DOCK10: variants seen among roughly 807,000 people sequenced by gnomAD.
DOCK10 encodes dedicator of cytokinesis 10.
Under a neutral mutation model 280.1 loss-of-function variants are expected in DOCK10, and 145 were observed. The ratio of observed to expected loss-of-function variants is 0.52; its 90% confidence interval spans 0.45 to 0.59. The LOEUF (loss-of-function observed/expected upper bound fraction) is 0.59. Ranked by LOEUF, DOCK10 falls within the 20% of genes least tolerant of loss-of-function variation. The probability of loss-of-function intolerance (pLI) is 0.00; values close to 1 mark genes in which losing one functional copy is unlikely to be tolerated. For synonymous variants in DOCK10, 915 were observed against 942.2 expected (o/e 0.97, Z 0.53); for missense variants, 2,368 against 2,651.7 (o/e 0.89, Z 2.35).
chr2:224,792,635 T>C (rs944600136), intron 47 of DOCK10, among the ~76,000 whole-genome samples: 1 of 152,192 alleles, frequency 6.6e-6, no homozygotes, highest in Admixed American at 6.5e-5. Flanking sequence ...TTAAAATAGA[T>C]TCCTCTTGCA....
intron 1 of DOCK10, among the ~76,000 whole-genome samples, chr2:224,978,444 A>G (rs1575142655): frequency 6.6e-6 from 1 of 152,144 alleles, no homozygotes; most frequent in Non-Finnish European, 1.5e-5. Flanking sequence ...GAAAAAAAAA[A>G]GTAGGCTTAC....
At chr2:224,936,737 G>T (rs1338527599) in intron 1 of DOCK10, among the ~76,000 whole-genome samples, 1 of 152,042 alleles carries the variant, frequency 6.6e-6, no homozygotes, top group Non-Finnish European at 1.5e-5. Flanking sequence ...TATCAGTTAT[G>T]ATATTTAGGA....
chr2:224,976,352 G>A (rs983440363), intron 1 of DOCK10, among the ~76,000 whole-genome samples: 6 of 152,124 alleles, frequency 3.9e-5, no homozygotes, highest in African/African-American at 1.4e-4. Context: ...GTATACCTGT[G>A]TAACAAACCT....
chr2:224,870,584 C>G (rs1363964207), intron 11 of DOCK10, among the ~76,000 whole-genome samples: 3 of 152,040 alleles, frequency 2.0e-5, no homozygotes, highest in Admixed American at 6.6e-5. Flanking sequence ...CCATAGCTAC[C>G]CATTTGCTCT....
chr2:224,887,812 G>T lies in DOCK10; in HGVS notation c.417-1281C>A, dbSNP rs540183925. 3.3e-5 allele frequency among the ~76,000 whole-genome samples: 5 copies of T among 152,244 alleles called. 1 individual carries two copies. In the South Asian group the frequency reaches 1.0e-3, roughly 32 times the overall value. The stretch of plus-strand genomic sequence containing the variant: ...TGTAATAAGAGCAGTAAAATCTACT[G>T]ATTTAAGCAAAATCACTAATGCAAT... On this transcript the variant is annotated intron_variant, in intron 4 of 55. Transcript: ENST00000258390.
Position 224,862,688 on chromosome 2 carries a change from C to T in DOCK10, c.1661G>A (p.Arg554His), listed in dbSNP as rs748898142. 68 of 1,612,670 alleles carry T rather than the reference C, an allele frequency of 4.2e-5. No homozygotes were observed. Among genetic ancestry groups the T allele is most frequent in the Admixed American group, 8.3e-5 (5 of 59,918 alleles). Residue 554 changes from arginine to histidine, a missense_variant, in exon 14 of 56, where the codon CGT (arginine) becomes CAT (histidine). Physicochemically the swap from Arg to His is conservative, Grantham distance 29. Coordinates refer to ENST00000258390, the MANE Select transcript of DOCK10 (RefSeq NM_014689.3). The stretch of plus-strand genomic sequence containing the variant: ...CCTTACTGCCCAAGCAAAAGGCATA[C>T]GGTATTTTCCCAATTTGCTGCAGAA... ...RQFCSKLGKY[R>H]MPFAWAVRSV...
At chr2:225,026,707 T>C (rs1036887131) in intron 1 of DOCK10, among the ~76,000 whole-genome samples, 10 of 152,046 alleles carry the variant, frequency 6.6e-5, no homozygotes, top group Non-Finnish European at 1.3e-4. Flanking sequence ...GACAGAGATA[T>C]CAATGGGCAG....
rs915319786 is a variant in DOCK10 at position 224,943,845 on chromosome 2, C to A, written c.124-12177G>T. Among the ~76,000 whole-genome samples, 7 of 150,506 alleles carry A rather than the reference C, an allele frequency of 4.7e-5. No individual in the cohort carries two copies. In the South Asian group the frequency reaches 6.3e-4, roughly 13 times the overall value. On this transcript the variant is annotated intron_variant, in intron 1 of 55. Transcript: ENST00000258390. ...GTGGCACGATCTCGGCTCACTGCAA[C>A]CTCTGCTTCCTGGGTTCAAGTGATT...
chr2:224,987,742 C>T (rs140975332), intron 1 of DOCK10, among the ~76,000 whole-genome samples: 1 of 152,198 alleles, frequency 6.6e-6, no homozygotes, highest in African/African-American at 2.4e-5. Flanking sequence ...ATTCTAGCTC[C>T]CCAAACTAAG....
In DOCK10 at chr2:224,805,617, T is replaced by C; in HGVS notation, c.3815-88A>G. 1 of 1,545,428 alleles carries C rather than the reference T, an allele frequency of 6.5e-7. No homozygotes were observed. The highest frequency in any genetic ancestry group is 8.8e-7 in the Non-Finnish European group (1 of 1,133,880). The stretch of plus-strand genomic sequence containing the variant: ...GTTCACATGATGAACCAAAAAGATG[T>C]TGATACTGAGGTAGCAGCAGTGTTG... On this transcript the variant is annotated intron_variant, in intron 34 of 55. Transcript: ENST00000258390. This position sits in a 1 kb window ranked among gnomAD's most constrained non-coding sequence, Gnocchi z 4.3.
intron 1 of DOCK10, among the ~76,000 whole-genome samples, chr2:224,942,698 A>G (rs1278261392): frequency 6.6e-6 from 1 of 151,616 alleles, no homozygotes; most frequent in Non-Finnish European, 1.5e-5. Flanking sequence ...AATAATGTAT[A>G]TTAGAGATAT....
At chr2:225,033,340 G>A (rs539019547) in intron 1 of DOCK10, among the ~76,000 whole-genome samples, 37 of 151,988 alleles carry the variant, frequency 2.4e-4, no homozygotes, top group African/African-American at 8.4e-4. Flanking sequence ...ATGCCACCAC[G>A]CCCGGCTAAT....
At chr2:224,798,109 T>TAAACATGAACTGTGTC in intron 41 of DOCK10, 140 bp from the exon 42 acceptor site, 1 of 797,256 alleles carries the variant, frequency 1.3e-6, no homozygotes, top group Non-Finnish European at 2.0e-6. Flanking sequence ...GGAGACACAG[T>TAAACATGAACTGTGTC]TCATGTTTAC....
In DOCK10 at chr2:225,024,685, CA is replaced by C. The variant is rs1451860754; in HGVS notation, c.123+17566del. On this transcript the variant is annotated intron_variant, in intron 1 of 55. Coordinates refer to ENST00000258390, the MANE Select transcript of DOCK10 (RefSeq NM_014689.3). ...TGGGCGGATGCCAGGAGTTTGAGAC[CA>C]GCCTGGCCAACATGGCAAAACCCCA... 2.0e-5 allele frequency among the ~76,000 whole-genome samples: 3 copies of C among 151,346 alleles called. No homozygotes were observed. In the East Asian group the frequency reaches 5.8e-4, roughly 29 times the overall value.
intron 1 of DOCK10, among the ~76,000 whole-genome samples, chr2:225,028,753 G>A (rs1280815995): frequency 6.6e-6 from 1 of 152,190 alleles, no homozygotes; most frequent in Non-Finnish European, 1.5e-5. Context: ...AGGGGCACAA[G>A]TGGGCCTTTC....
At chr2:224,845,494 G>T in intron 20 of DOCK10, 25 bp downstream of exon 20, 1 of 1,601,562 alleles carries the variant, frequency 6.2e-7, no homozygotes, top group Non-Finnish European at 8.5e-7. Flanking sequence ...ATGTGACTCT[G>T]CCTCAGATTT....
intron 1 of DOCK10, among the ~76,000 whole-genome samples, chr2:224,932,366 A>G (rs1341651862): frequency 3.3e-5 from 5 of 152,200 alleles, no homozygotes; most frequent in African/African-American, 1.2e-4. Context: ...CATAGTGCCA[A>G]AAATAAAAAT....
chr2:224,963,688 A>T (rs1704571687), intron 1 of DOCK10, among the ~76,000 whole-genome samples: 2 of 152,240 alleles, frequency 1.3e-5, no homozygotes, highest in Admixed American at 1.3e-4. Flanking sequence ...AGTGACAGAG[A>T]TTTATTTTAA....
intron 7 of DOCK10, among the ~76,000 whole-genome samples, chr2:224,880,639 C>A (rs1698925240): frequency 6.6e-6 from 1 of 152,116 alleles, no homozygotes; most frequent in Non-Finnish European, 1.5e-5. Context: ...ATAGTAGGAA[C>A]CTGTGAATAT....
Sources: gnomAD v4.1 joint callset for allele counts (sites outside exome capture counted in the v4.1 genomes callset) on GRCh38, gnomAD v4.1.1 for gene constraint, Gnocchi (gnomAD v3.1) non-coding constraint, MANE v1.5 for transcripts, NCBI Gene and HGNC (gene_info 2026-07-23, HGNC 2026-07-21) for gene names.